TMEM132E: variants seen among roughly 807,000 people sequenced by gnomAD.
The protein encoded by TMEM132E is transmembrane protein 132E.
A neutral mutation model predicts 78.5 loss-of-function variants in TMEM132E; 49 were observed. The observed-to-expected ratio is 0.62, with a 90% confidence interval of 0.50 to 0.79. The LOEUF (loss-of-function observed/expected upper bound fraction) is 0.79. Among genes scored for constraint, TMEM132E ranks in the 30% least tolerant of loss-of-function variants. TMEM132E has a pLI of 0.00. For missense variants in TMEM132E, 1,403 were observed against 1,470.9 expected, an observed-to-expected ratio of 0.95 and a Z score of 0.75; for synonymous variants, 715 against 670.6, an observed-to-expected ratio of 1.07 and a Z score of -1.02.
intron 1 of TMEM132E, among the ~76,000 whole-genome samples, chr17:34,581,772 G>A (rs1426926382): frequency 2.6e-5 from 4 of 151,520 alleles, no homozygotes; most frequent in African/African-American, 9.7e-5. Context: ...GCCGCGGGCC[G>A]CGCGCGGAGG....
At chr17:34,603,774 C>T (rs1311337265) in intron 1 of TMEM132E, among the ~76,000 whole-genome samples, 1 of 152,210 alleles carries the variant, frequency 6.6e-6, no homozygotes, top group Non-Finnish European at 1.5e-5. Flanking sequence ...CAGTGATATG[C>T]CCTTGTGGGC....
intron 1 of TMEM132E, among the ~76,000 whole-genome samples, chr17:34,613,225 G>T (rs896549749): frequency 1.3e-5 from 2 of 150,098 alleles, no homozygotes; most frequent in African/African-American, 4.9e-5. Flanking sequence ...GCGCGCGCGC[G>T]CGTTCTTACA....
rs1597682224 is a variant in TMEM132E at position 34,607,021 on chromosome 17, C to G, written c.68-19106C>G. 2.6e-5 allele frequency among the ~76,000 whole-genome samples: 4 copies of G among 152,320 alleles called. No homozygotes were observed. The South Asian group carries it at 8.3e-4, about 32-fold the overall frequency. ...CAACCAGCTGCTTGTGCAGAAGGCT[C>G]TGCATGGCATCCCTGATGGGAATCA... is the stretch of plus-strand genomic sequence containing the variant. On this transcript the variant is annotated intron_variant, in intron 1 of 8. Coordinates refer to ENST00000631683, the MANE Select transcript of TMEM132E (RefSeq NM_001304438.2).
At chr17:34,590,084 C>G (rs1260819448) in intron 1 of TMEM132E, among the ~76,000 whole-genome samples, 1 of 152,174 alleles carries the variant, frequency 6.6e-6, no homozygotes, top group African/African-American at 2.4e-5. Flanking sequence ...GGGCTGGGCT[C>G]CATCCTGGGG....
chr17:34,584,965 C>T (rs938601953), intron 1 of TMEM132E, among the ~76,000 whole-genome samples: 4 of 152,228 alleles, frequency 2.6e-5, no homozygotes, highest in Admixed American at 6.5e-5. Context: ...ACCCCTACCC[C>T]ATCCCCCGAT....
intron 1 of TMEM132E, among the ~76,000 whole-genome samples, chr17:34,624,980 T>G (rs1420293144): frequency 1.3e-5 from 2 of 152,302 alleles, no homozygotes; most frequent in African/African-American, 4.8e-5. Flanking sequence ...AAATAAGATT[T>G]CAAACCTCAA....
chr17:34,592,705 C>T (rs984855105), intron 1 of TMEM132E, among the ~76,000 whole-genome samples: 11 of 152,208 alleles, frequency 7.2e-5, no homozygotes, highest in African/African-American at 1.7e-4. Flanking sequence ...TTATGCACTC[C>T]GCCTGACACT....
At chr17:34,631,229 C>T (rs1348272361) in intron 5 of TMEM132E, among the ~76,000 whole-genome samples, 1 of 152,140 alleles carries the variant, frequency 6.6e-6, no homozygotes, top group Middle Eastern at 3.2e-3. Context: ...GCATGGGGCT[C>T]ACCTCATCTA....
chr17:34,613,211 A>ACACGCGCGCGCGCGCG lies in TMEM132E; in HGVS notation c.68-12915_68-12914insACGCGCGCGCGCGCGC. Among the ~76,000 whole-genome samples, 35 of 115,848 alleles carry ACACGCGCGCGCGCGCG rather than the reference A, an allele frequency of 3.0e-4. 1 individual carries two copies. The highest frequency in any genetic ancestry group is 8.5e-4 in the African/African-American group (29 of 34,212). The allele number at this position is 115,848 out of a possible 152,430, so 76.0% of individuals were successfully genotyped here. A position where few individuals can be genotyped will look rare whatever the true frequency, so the allele number is the denominator to read the frequency against. ...CACACACACACCCACACACACACAC[A>ACACGCGCGCGCGCGCG]CGCGCGCGCGCGCGCGTTCTTACAT... On this transcript the variant is annotated intron_variant, in intron 1 of 8. Coordinates refer to ENST00000631683, the MANE Select transcript of TMEM132E (RefSeq NM_001304438.2).
At chr17:34,592,411 A>T (rs918126187) in intron 1 of TMEM132E, among the ~76,000 whole-genome samples, 21 of 152,330 alleles carry the variant, frequency 1.4e-4, no homozygotes, top group Middle Eastern at 3.4e-3. Context: ...GTCTGTCTAC[A>T]CACTGCCAGG....
At chr17:34,592,111 T>C (rs1319049458) in intron 1 of TMEM132E, among the ~76,000 whole-genome samples, 2 of 152,210 alleles carry the variant, frequency 1.3e-5, no homozygotes, top group Non-Finnish European at 2.9e-5. Flanking sequence ...GTTTTTTGTT[T>C]TGCTTGGGAT....
chr17:34,621,844 C>A (rs909467850), intron 1 of TMEM132E, among the ~76,000 whole-genome samples: 2 of 151,652 alleles, frequency 1.3e-5, no homozygotes, highest in Admixed American at 6.6e-5. Context: ...GTGTGTCCTC[C>A]CAGGTCAGTC....
At chr17:34,604,658 C>CT (rs1906353385) in intron 1 of TMEM132E, among the ~76,000 whole-genome samples, 1 of 152,174 alleles carries the variant, frequency 6.6e-6, no homozygotes, top group Admixed American at 6.5e-5. Flanking sequence ...GGTCTGTCCC[C>CT]CTCAGAAACC....
At chr17:34,599,287 T>A (rs1189155851) in intron 1 of TMEM132E, among the ~76,000 whole-genome samples, 1 of 152,160 alleles carries the variant, frequency 6.6e-6, no homozygotes, top group Non-Finnish European at 1.5e-5. Context: ...GAAACCTGCA[T>A]AAGGAACACC....
intron 1 of TMEM132E, among the ~76,000 whole-genome samples, chr17:34,611,234 A>T (rs1329250782): frequency 2.0e-5 from 3 of 152,174 alleles, no homozygotes; most frequent in African/African-American, 4.8e-5. Flanking sequence ...TGGGTTGGGG[A>T]GTGGGAGAAG....
chr17:34,629,306 A>ATG (rs1491135439), intron 4 of TMEM132E, 102 bp downstream of exon 4: 15 of 1,258,186 alleles, frequency 1.2e-5, no homozygotes, highest in Non-Finnish European at 1.6e-5. Flanking sequence ...ACAAATTGAC[A>ATG]TGTGTGTATA....
At chr17:34,629,272 G>A (rs1907266713) in intron 4 of TMEM132E, 68 bp downstream of exon 4, 1 of 1,513,828 alleles carries the variant, frequency 6.6e-7, no homozygotes, top group African/African-American at 1.4e-5. Context: ...TGTGTGACAA[G>A]AATGTGAACC....
chr17:34,588,478 G>A (rs2142050245), intron 1 of TMEM132E, among the ~76,000 whole-genome samples: 1 of 152,320 alleles, frequency 6.6e-6, no homozygotes, highest in Non-Finnish European at 1.5e-5. Flanking sequence ...ATGAATCATT[G>A]TGCACATACA....
At position 34,637,997 on chromosome 17, in the gene TMEM132E, A is replaced by T. The variant is rs1340251472; in HGVS notation, c.2990A>T (p.Asp997Val). The T allele has an allele frequency of 1.9e-6, 3 of 1,584,548 alleles. No homozygotes were observed. Among genetic ancestry groups the T allele is most frequent in the Middle Eastern group, 1.9e-4 (1 of 5,318 alleles). ...GGCTCCTCGGGCGGCTCAGCCCGAGACCAAGCCGAGGACCCCGCCAGCTCG... is the reference window on the plus strand; with the variant it reads ...GGCTCCTCGGGCGGCTCAGCCCGAGTCCAAGCCGAGGACCCCGCCAGCTCG... ...GDGSSGGSAR[D>V]QAEDPASSPT... The change falls in exon 9 of 9, where the codon GAC (aspartate) becomes GTC (valine). Residue 997 changes from aspartate to valine, a missense_variant. Coordinates refer to ENST00000631683, the MANE Select transcript of TMEM132E (RefSeq NM_001304438.2).
Sources: gnomAD v4.1 joint callset for allele counts (sites outside exome capture counted in the v4.1 genomes callset) on GRCh38, gnomAD v4.1.1 for gene constraint, MANE v1.5 for transcripts, NCBI Gene and HGNC (gene_info 2026-07-23, HGNC 2026-07-21) for gene names.